The following ATF7IP variants were observed in gnomAD, a reference collection of about 807,000 sequenced individuals.
ATF7IP encodes the protein activating transcription factor 7 interacting protein, also known as activating transcription factor 7-interacting protein 1.
Under a neutral mutation model 106.4 loss-of-function variants are expected in ATF7IP, and 23 were observed. That is an observed-to-expected ratio of 0.22 (90% CI 0.16 to 0.31). ATF7IP has a LOEUF of 0.31. ATF7IP is among the 10% of genes least tolerant of loss of function. ATF7IP has a pLI of 1.00. For missense variants in ATF7IP, 1,334 were observed against 1,524.3 expected (o/e 0.88, Z 2.08); for synonymous variants, 542 against 539.0 (o/e 1.01, Z -0.08).
intron 6 of ATF7IP, among the ~76,000 whole-genome samples, chr12:14,449,723 AAAAC>A (rs775149182): frequency 1.3e-4 from 20 of 151,934 alleles, no homozygotes; most frequent in South Asian, 8.3e-4. Context: ...CTGGAAAAAA[AAAAC>A]AAACCCACTA....
In ATF7IP at chr12:14,496,358, T is replaced by C; in HGVS notation, c.3393+15T>C. The C allele has an allele frequency of 6.3e-7, 1 of 1,581,362 alleles. No homozygotes were observed. Among genetic ancestry groups the C allele is most frequent in the Non-Finnish European group, 8.7e-7 (1 of 1,151,810 alleles). Reference sequence around the variant, plus strand: ...AAGTGCATACTGTAAGTGTTGATGCTTGGTTTTGCAAAATTCTCAACTGTA... The same window carrying C: ...AAGTGCATACTGTAAGTGTTGATGCCTGGTTTTGCAAAATTCTCAACTGTA... On this transcript the variant is annotated intron_variant, in intron 14 of 14. Transcript: ENST00000261168.
At chr12:14,438,769 T>G (rs1942547909) in intron 5 of ATF7IP, among the ~76,000 whole-genome samples, 1 of 152,194 alleles carries the variant, frequency 6.6e-6, no homozygotes, top group South Asian at 2.1e-4. Flanking sequence ...TGACCTTCTT[T>G]ACAAATAAGG....
intron 13 of ATF7IP, among the ~76,000 whole-genome samples, chr12:14,484,492 A>G (rs761376933): frequency 6.6e-6 from 1 of 152,218 alleles, no homozygotes; most frequent in Non-Finnish European, 1.5e-5. Flanking sequence ...AAAGTGCACA[A>G]CTAGGTGTGC....
chr12:14,460,911 C>G lies in ATF7IP; in HGVS notation c.2575C>G (p.Pro859Ala). ...GCCCAGTCCTAGTATTCAAAGGAAC[C>G]CTACTGCCAGTGCTGCACCATTGGG... ...SVPSPSIQRN[P>A]TASAAPLGTT... is the part of the protein sequence containing the mutation. Residue 859 changes from proline (P) to alanine (A), a missense_variant, in exon 9 of 15, where the codon CCT becomes GCT. Coordinates refer to ENST00000261168, the MANE Select transcript of ATF7IP (RefSeq NM_018179.5). The G allele has an allele frequency of 1.2e-6, 2 of 1,614,136 alleles. No individual in the cohort carries two copies. The highest frequency in any genetic ancestry group is 1.7e-6 in the Non-Finnish European group (2 of 1,180,018).
At chr12:14,476,720 A>G (rs1565545668) in intron 11 of ATF7IP, among the ~76,000 whole-genome samples, 1 of 152,002 alleles carries the variant, frequency 6.6e-6, no homozygotes, top group Non-Finnish European at 1.5e-5. Flanking sequence ...TACTGTATAT[A>G]TATGTATTCA....
intron 5 of ATF7IP, among the ~76,000 whole-genome samples, chr12:14,442,464 C>T (rs1942757189): frequency 6.6e-6 from 1 of 152,148 alleles, no homozygotes; most frequent in South Asian, 2.1e-4. Context: ...CCAATCGAGT[C>T]CTGTTACAAC....
At chr12:14,485,580 T>A (rs1265497319) in intron 13 of ATF7IP, among the ~76,000 whole-genome samples, 1 of 152,086 alleles carries the variant, frequency 6.6e-6, no homozygotes, top group Non-Finnish European at 1.5e-5. Context: ...CCGATCAAGG[T>A]CTCTCTGAAT....
intron 13 of ATF7IP, among the ~76,000 whole-genome samples, chr12:14,488,156 A>T (rs907766236): frequency 6.6e-5 from 10 of 152,150 alleles, no homozygotes; most frequent in Non-Finnish European, 8.8e-5. Context: ...AATCTGAATT[A>T]GGGTTCTCTA....
intron 1 of ATF7IP, among the ~76,000 whole-genome samples, chr12:14,397,819 CT>C (rs1939938254): frequency 6.6e-6 from 1 of 152,124 alleles, no homozygotes; most frequent in Non-Finnish European, 1.5e-5. Flanking sequence ...ATAAGTCCTT[CT>C]TTATCTGTGA....
At chr12:14,465,325 A>G (rs569949587) in intron 9 of ATF7IP, among the ~76,000 whole-genome samples, 1 of 152,160 alleles carries the variant, frequency 6.6e-6, no homozygotes, top group South Asian at 2.1e-4. Context: ...TTGAAGATGG[A>G]AGTGTTTCAA....
At chr12:14,435,876 TCA>T (rs1942379336) in intron 3 of ATF7IP, among the ~76,000 whole-genome samples, 1 of 152,220 alleles carries the variant, frequency 6.6e-6, no homozygotes, top group Admixed American at 6.5e-5. Flanking sequence ...AATTCTGTGT[TCA>T]CAGTGTGCAT....
intron 1 of ATF7IP, among the ~76,000 whole-genome samples, chr12:14,412,884 C>T (rs543478809): frequency 6.6e-6 from 1 of 152,162 alleles, no homozygotes; most frequent in African/African-American, 2.4e-5. Context: ...CTTGGTGGTT[C>T]ACACCTGTAA....
chr12:14,416,183 C>T (rs914865335), intron 1 of ATF7IP, among the ~76,000 whole-genome samples: 3 of 152,114 alleles, frequency 2.0e-5, no homozygotes, highest in African/African-American at 7.2e-5. Flanking sequence ...TAAAATCATA[C>T]AGTTTTCAAC....
At chr12:14,367,956 G>A (rs1010730770) in intron 1 of ATF7IP, among the ~76,000 whole-genome samples, 1 of 151,952 alleles carries the variant, frequency 6.6e-6, no homozygotes, top group African/African-American at 2.4e-5. Flanking sequence ...GGTTACTCCA[G>A]GAATGAATAC....
At position 14,500,629 on chromosome 12, in the gene ATF7IP, G is replaced by A. The variant is rs1367607799; in HGVS notation, c.*2556G>A. On this transcript the variant is annotated 3_prime_UTR_variant, in exon 15 of 15. Transcript: ENST00000261168. ...AAAACTGAAGGCCCATGTTCAAATT[G>A]TTCTTTATTGGGTGTTTTTATGGTC... is the stretch of plus-strand genomic sequence containing the variant. 2 of 152,124 alleles carry A rather than the reference G, an allele frequency of 1.3e-5. No individual in the cohort carries two copies. Among genetic ancestry groups the A allele is most frequent in the African/African-American group, 4.8e-5 (2 of 41,422 alleles). The allele number at this position is 152,124 out of a possible 1,614,324, so 9.4% of individuals were successfully genotyped here.
rs1941797769 is a variant in ATF7IP, at chr12:14,425,536, A to G, written c.1558+63A>G. 4.9e-6 allele frequency: 7 copies of G among 1,428,478 alleles called. 1 individual carries two copies. The highest frequency in any genetic ancestry group is 4.7e-5 in the South Asian group (3 of 64,430). 88.5% of individuals were successfully genotyped at this position (1,428,478 alleles called of 1,614,324 possible). On this transcript the variant is annotated intron_variant, in intron 2 of 14. Transcript: ENST00000261168. ...ACTTTGATGAACTGTTTAATAAAACATTATCATAATGTTTTAAATTTATTT... is the reference window on the plus strand; with the variant it reads ...ACTTTGATGAACTGTTTAATAAAACGTTATCATAATGTTTTAAATTTATTT...
chr12:14,432,613 G>C (rs1279519436), intron 2 of ATF7IP, among the ~76,000 whole-genome samples: 8 of 151,994 alleles, frequency 5.3e-5, no homozygotes, highest in Non-Finnish European at 8.8e-5. Context: ...CGCCTTAATA[G>C]GTATTCATCA....
intron 1 of ATF7IP, among the ~76,000 whole-genome samples, chr12:14,423,526 T>A (rs1941643913): frequency 6.6e-6 from 1 of 150,738 alleles, no homozygotes; most frequent in Non-Finnish European, 1.5e-5. Context: ...GTTATTTCCC[T>A]ACTGTTGTTC....
intron 1 of ATF7IP, among the ~76,000 whole-genome samples, chr12:14,374,687 A>G (rs1009939465): frequency 6.6e-6 from 1 of 152,138 alleles, no homozygotes; most frequent in Non-Finnish European, 1.5e-5. Flanking sequence ...TATGTTCAAA[A>G]TCTTAGAGCC....
Sources: gnomAD v4.1 joint callset for allele counts (sites outside exome capture counted in the v4.1 genomes callset) on GRCh38, gnomAD v4.1.1 for gene constraint, MANE v1.5 for transcripts, NCBI Gene and HGNC (gene_info 2026-07-23, HGNC 2026-07-21) for gene names.